GAS2: variants seen among roughly 807,000 people sequenced by gnomAD.
GAS2 encodes the protein growth arrest specific 2.
In GAS2, 20 loss-of-function variants were observed where a neutral mutation model predicts 37.5. That is an observed-to-expected ratio of 0.53 (90% confidence interval 0.37 to 0.77). The LOEUF (loss-of-function observed/expected upper bound fraction) is 0.77. GAS2 is among the 30% of genes least tolerant of loss of function. The probability of loss-of-function intolerance (pLI) is 0.00; values close to 1 mark genes in which losing one functional copy is unlikely to be tolerated. For synonymous variants in GAS2, 144 were observed against 132.2 expected (o/e 1.09, Z -0.61); for missense variants, 336 against 373.4 (o/e 0.90, Z 0.82).
chr11:22,704,702 G>A (rs1191239069), intron 3 of GAS2, among the ~76,000 whole-genome samples: 2 of 147,656 alleles, frequency 1.4e-5, no homozygotes, highest in African/African-American at 5.0e-5. Context: ...TTGTAGTAAG[G>A]AATATTCTAA....
At chr11:22,699,591 T>C (rs1203067962) in intron 3 of GAS2, among the ~76,000 whole-genome samples, 1 of 152,138 alleles carries the variant, frequency 6.6e-6, no homozygotes, top group African/African-American at 2.4e-5. Context: ...ATTTCAGACA[T>C]TTTTAGAGAG....
intron 5 of GAS2, among the ~76,000 whole-genome samples, chr11:22,741,958 CTAAA>C (rs1274159400): frequency 6.6e-6 from 1 of 152,034 alleles, no homozygotes; most frequent in Admixed American, 6.6e-5. Context: ...CTCTAGACTA[CTAAA>C]TAGTTTGAGT....
chr11:22,677,666 G>A (rs1849491365), intron 2 of GAS2, among the ~76,000 whole-genome samples: 1 of 152,158 alleles, frequency 6.6e-6, no homozygotes, highest in Non-Finnish European at 1.5e-5. Flanking sequence ...GAGAGTCAGT[G>A]TGTGTAATGG....
chr11:22,728,491 G>A (rs1565113274), intron 4 of GAS2, among the ~76,000 whole-genome samples: 1 of 151,276 alleles, frequency 6.6e-6, no homozygotes, highest in African/African-American at 2.4e-5. Context: ...CAGCCTGTTT[G>A]AAAAAATATA....
chr11:22,661,567 G>C (rs1292116519), intron 1 of GAS2, among the ~76,000 whole-genome samples: 2 of 152,200 alleles, frequency 1.3e-5, no homozygotes, highest in Non-Finnish European at 2.9e-5. Context: ...CTACCAGAGA[G>C]ATCAAGAGAA....
chr11:22,762,650 C>A (rs1435974496), intron 7 of GAS2, among the ~76,000 whole-genome samples: 1 of 152,052 alleles, frequency 6.6e-6, no homozygotes, highest in African/African-American at 2.4e-5. Context: ...ATACAAAGGG[C>A]ATTCAATTGC....
intron 1 of GAS2, among the ~76,000 whole-genome samples, chr11:22,669,121 A>G (rs1012608015): frequency 6.6e-6 from 1 of 152,236 alleles, no homozygotes; most frequent in Non-Finnish European, 1.5e-5. Flanking sequence ...CACAGAATGT[A>G]GAACCCTGCT....
chr11:22,667,783 G>A (rs1255274710), intron 1 of GAS2, among the ~76,000 whole-genome samples: 1 of 152,168 alleles, frequency 6.6e-6, no homozygotes, highest in African/African-American at 2.4e-5. Context: ...ATTGAGGTTG[G>A]GGGAGGGTTG....
chr11:22,678,938 G>C (rs1315360649), intron 2 of GAS2, among the ~76,000 whole-genome samples: 1 of 151,928 alleles, frequency 6.6e-6, no homozygotes, highest in Non-Finnish European at 1.5e-5. Context: ...TAGGATTAAA[G>C]CATCAACTGC....
At chr11:22,692,917 G>A (rs1214663509) in intron 3 of GAS2, among the ~76,000 whole-genome samples, 4 of 151,992 alleles carry the variant, frequency 2.6e-5, no homozygotes, top group African/African-American at 9.7e-5. Flanking sequence ...CATTTGTGTC[G>A]TGTCCTTTCC....
upstream of GAS2, among the ~76,000 whole-genome samples, chr11:22,664,504 A>T (rs10833798): frequency 0.29 from 43,833 of 151,948 alleles, 7,558 homozygotes; most frequent in African/African-American, 0.48. Flanking sequence ...TAAAAACTAA[A>T]CTGTTTAAAT....
At chr11:22,758,012 C>A (rs536324585) in intron 7 of GAS2, among the ~76,000 whole-genome samples, 3 of 152,254 alleles carry the variant, frequency 2.0e-5, no homozygotes, top group South Asian at 4.2e-4. Context: ...CTAAACATGT[C>A]TCCTTGATGT....
rs560141502 is a variant in GAS2 at position 22,783,765 on chromosome 11, G to A, written c.723+27812G>A. 3.2e-3 allele frequency among the ~76,000 whole-genome samples: 492 copies of A among 152,194 alleles called. 3 individuals are homozygous for A. The highest frequency in any genetic ancestry group is 5.7e-3 in the Non-Finnish European group (387 of 67,996). ...GGATATTTCCTAGGTTTTCTTGTAGGATTTTTACAGTTTGAGACATATTTA... is the reference window on the plus strand; with the variant it reads ...GGATATTTCCTAGGTTTTCTTGTAGAATTTTTACAGTTTGAGACATATTTA... On this transcript the variant is annotated intron_variant, in intron 7 of 7. Transcript: ENST00000454584.
At chr11:22,782,852 G>A (rs1855629839) in intron 7 of GAS2, among the ~76,000 whole-genome samples, 3 of 146,388 alleles carry the variant, frequency 2.0e-5, no homozygotes, top group African/African-American at 7.7e-5. Flanking sequence ...TACAACTGAT[G>A]GCCACCTAGG....
chr11:22,664,194 A>AT (rs1475947069), upstream of GAS2, among the ~76,000 whole-genome samples: 4 of 151,952 alleles, frequency 2.6e-5, no homozygotes, highest in Non-Finnish European at 5.9e-5. Context: ...GTGTTATTTA[A>AT]TTTTTTCTCA....
At chr11:22,782,393 C>G (rs1855595005) in intron 7 of GAS2, among the ~76,000 whole-genome samples, 1 of 152,006 alleles carries the variant, frequency 6.6e-6, no homozygotes, top group African/African-American at 2.4e-5. Context: ...TTGGAAAGTA[C>G]TGTGTTTTTT....
At chr11:22,738,349 T>C (rs996533072) in intron 5 of GAS2, among the ~76,000 whole-genome samples, 17 of 152,310 alleles carry the variant, frequency 1.1e-4, no homozygotes, top group Non-Finnish European at 8.8e-5. Flanking sequence ...CAAGAATTAA[T>C]TTCAGAAATC....
intron 3 of GAS2, among the ~76,000 whole-genome samples, chr11:22,687,170 CA>C (rs1050255083): frequency 6.6e-6 from 1 of 151,918 alleles, no homozygotes; most frequent in Non-Finnish European, 1.5e-5. Context: ...AAGAAAAACA[CA>C]AAAAAGTTAG....
chr11:22,755,116 G>A lies in GAS2; in HGVS notation c.616-730G>A, dbSNP rs149162781. Among the ~76,000 whole-genome samples the A allele has an allele frequency of 6.0e-3, 915 of 152,182 alleles. 9 individuals carry two copies. Among genetic ancestry groups the A allele is most frequent in the African/African-American group, 0.021 (870 of 41,552 alleles). ...ATCTAGTAATCACAACTATTCATAA[G>A]CTTTATGCACATATCATTTAGATTA... is the stretch of plus-strand genomic sequence containing the variant. On this transcript the variant is annotated intron_variant, in intron 6 of 7. Transcript: ENST00000454584.
Sources: gnomAD v4.1 joint callset for allele counts (sites outside exome capture counted in the v4.1 genomes callset) on GRCh38, gnomAD v4.1.1 for gene constraint, MANE v1.5 for transcripts, NCBI Gene and HGNC (gene_info 2026-07-23, HGNC 2026-07-21) for gene names.